Variants in EPB41 observed in about 807,000 individuals in gnomAD.
The protein encoded by EPB41 is erythrocyte membrane protein band 4.1, also known as protein 4.1.
Under a neutral mutation model 108.0 loss-of-function variants are expected in EPB41, and 65 were observed. That is an observed-to-expected ratio of 0.60 (90% CI 0.49 to 0.74). The LOEUF (loss-of-function observed/expected upper bound fraction) is 0.74. EPB41 is among the 30% of genes least tolerant of loss of function. EPB41 has a pLI of 0.00. For synonymous variants in EPB41, 336 were observed against 358.9 expected (o/e 0.94, Z 0.72); for missense variants, 875 against 1,037.0 (o/e 0.84, Z 2.15).
chr1:29,096,143 A>T (rs1425143834), intron 16 of EPB41: 52 of 985,550 alleles, frequency 5.3e-5, no homozygotes, highest in Non-Finnish European at 6.1e-5. Context: ...GTATCTGTTC[A>T]TTCATTTGTA....
At chr1:28,910,968 C>T (rs528216183), upstream of EPB41, 6 of 985,150 alleles carry the variant, frequency 6.1e-6, no homozygotes, top group Non-Finnish European at 6.0e-6. Flanking sequence ...TGGAGCAGAG[C>T]TGTTTCTGCC....
intron 1 of EPB41, among the ~76,000 whole-genome samples, chr1:28,917,751 T>G (rs1229098480): frequency 1.3e-5 from 2 of 151,834 alleles, no homozygotes; most frequent in Non-Finnish European, 2.9e-5. Context: ...CAGCTTTTTT[T>G]TTTCGTTTTT....
chr1:29,025,958 A>G (rs189283058), intron 7 of EPB41, among the ~76,000 whole-genome samples: 2 of 152,192 alleles, frequency 1.3e-5, no homozygotes, highest in African/African-American at 4.8e-5. Flanking sequence ...AAGGGCATCC[A>G]TGTGGGGGAA....
In EPB41 at chr1:28,935,469, C is replaced by CA. The variant is rs1234434094; in HGVS notation, c.-8+20701_-8+20702insA. ...CACACACACACACACACACACACAC[C>CA]CCCCCCCCCCCAAGATCTACGCACT... On this transcript the variant is annotated intron_variant, in intron 1 of 20. Transcript: ENST00000343067. 1.3e-3 allele frequency among the ~76,000 whole-genome samples: 55 copies of CA among 42,248 alleles called. 1 individual carries two copies. Among genetic ancestry groups the CA allele is most frequent in the Admixed American group, 2.2e-3 (9 of 4,056 alleles). The allele number at this position is 42,248 out of a possible 152,430, so 27.7% of individuals were successfully genotyped here.
intron 1 of EPB41, among the ~76,000 whole-genome samples, chr1:28,901,823 C>G (rs933425983): frequency 1.3e-5 from 2 of 152,088 alleles, no homozygotes; most frequent in South Asian, 4.1e-4. Context: ...TGTGAGCCAC[C>G]GCACCCGGCC....
chr1:28,986,306 G>A (rs1469032443), intron 1 of EPB41, among the ~76,000 whole-genome samples: 1 of 152,078 alleles, frequency 6.6e-6, no homozygotes, highest in African/African-American at 2.4e-5. Flanking sequence ...ATCAATAGTC[G>A]ACTTCATTGC....
In EPB41 at chr1:29,018,295, C is replaced by A. The variant is rs2096602403; in HGVS notation, c.977C>A (p.Ala326Glu). 1.9e-6 allele frequency: 3 copies of A among 1,614,154 alleles called. No homozygotes were observed. In the East Asian group the frequency reaches 6.7e-5, roughly 36 times the overall value. The change falls in exon 7 of 21, where the codon GCA becomes GAA. Residue 326 changes from alanine to glutamate, a missense_variant. Ala to Glu is a moderately radical substitution (Grantham distance 107). Coordinates refer to ENST00000343067, the MANE Select transcript of EPB41 (RefSeq NM_001376013.1). This position sits in a 1 kb window ranked among gnomAD's most constrained non-coding sequence, Gnocchi z 4.4. ...CTGCCCTGTTCCTTTGCAACCTTAG[C>A]ATTATTAGGTTCTTACACCATCCAG... ...GRLPCSFATL[A>E]LLGSYTIQSE...
At chr1:29,064,241 G>C (rs1646978287) in intron 15 of EPB41, among the ~76,000 whole-genome samples, 1 of 152,172 alleles carries the variant, frequency 6.6e-6, no homozygotes, top group African/African-American at 2.4e-5. Flanking sequence ...AAGTGAAGCT[G>C]TTAGAAGCTA....
intron 16 of EPB41, chr1:29,071,967 A>G (rs1300439902): frequency 2.0e-5 from 3 of 152,194 alleles, no homozygotes; most frequent in African/African-American, 7.2e-5. Flanking sequence ...GAGCAAAAAA[A>G]GAGAACAGTA....
intron 1 of EPB41, among the ~76,000 whole-genome samples, chr1:28,959,583 G>A (rs1008471179): frequency 3.3e-5 from 5 of 152,246 alleles, no homozygotes; most frequent in African/African-American, 1.2e-4. Flanking sequence ...TTAAATCTTT[G>A]TTTGGAAGAG....
In EPB41 at chr1:29,030,487, G is replaced by T; in HGVS notation, c.1212G>T (p.Lys404Asn). The T allele has an allele frequency of 6.2e-7, 1 of 1,612,002 alleles. No homozygotes were observed. Among genetic ancestry groups the T allele is most frequent in the South Asian group, 1.1e-5 (1 of 91,040 alleles). The part of the protein sequence containing the change: ...SMYGVDLHKA[K>N]DLEGVDIILG... ...ATGGAGTTGATCTTCATAAAGCAAA[G>T]GTAATGATAACTTTGCCCTTTATTA... Residue 404 changes from lysine (K) to asparagine (N), a missense_variant and splice_region_variant, in exon 8 of 21, where the codon AAG becomes AAT. Lys to Asn is a moderately conservative substitution (Grantham distance 94). Coordinates refer to ENST00000343067, the MANE Select transcript of EPB41 (RefSeq NM_001376013.1).
At chr1:29,085,592 T>C (rs1489388934) in intron 16 of EPB41, among the ~76,000 whole-genome samples, 1 of 152,174 alleles carries the variant, frequency 6.6e-6, no homozygotes, top group Non-Finnish European at 1.5e-5. Flanking sequence ...ATCATTGACT[T>C]TGACTTTCTT....
rs1347150651 is a variant in EPB41 at position 29,011,849 on chromosome 1, T to C, written c.787-16T>C. 1 of 1,613,980 alleles carries C rather than the reference T, an allele frequency of 6.2e-7. No individual in the cohort carries two copies. Among genetic ancestry groups the C allele is most frequent in the Non-Finnish European group, 8.5e-7 (1 of 1,179,966 alleles). On this transcript the variant is annotated splice_polypyrimidine_tract_variant and intron_variant, in intron 4 of 20. Coordinates refer to ENST00000343067, the MANE Select transcript of EPB41 (RefSeq NM_001376013.1). ...GTTTTGGAGCTCTGTGTGAATGCCT[T>C]TTCTCCTTTTTACAGACATGGCTGG...
rs941761756 is a variant in EPB41 at position 29,118,364 on chromosome 1, C to G, written c.*1552C>G. 1.3e-5 allele frequency: 2 copies of G among 152,244 alleles called. No homozygotes were observed. Among genetic ancestry groups the G allele is most frequent in the African/African-American group, 4.8e-5 (2 of 41,432 alleles). The allele number at this position is 152,244 out of a possible 1,614,324, so 9.4% of individuals were successfully genotyped here. A position where few individuals can be genotyped will look rare whatever the true frequency, so the allele number is the denominator to read the frequency against. Reference sequence around the variant, plus strand: ...AGGTGATCCACCCACCTTGGCCTCCCAAAGTGCTGGGATTACAGGTGTGAG... The same window carrying G: ...AGGTGATCCACCCACCTTGGCCTCCGAAAGTGCTGGGATTACAGGTGTGAG... On this transcript the variant is annotated 3_prime_UTR_variant, in exon 21 of 21. Coordinates refer to ENST00000343067, the MANE Select transcript of EPB41 (RefSeq NM_001376013.1).
intron 16 of EPB41, chr1:29,070,979 T>A (rs1651077434): frequency 5.8e-6 from 1 of 172,798 alleles, no homozygotes; most frequent in South Asian, 2.0e-4. Flanking sequence ...ACCAGGATAC[T>A]CTCTAGATAC....
rs953981243 is a variant in EPB41, at chr1:28,968,686, G to A, written c.-7-18745G>A. Among the ~76,000 whole-genome samples, 6 of 151,882 alleles carry A rather than the reference G, an allele frequency of 4.0e-5. No individual in the cohort carries two copies. The East Asian group carries it at 5.8e-4, about 15-fold the overall frequency. On this transcript the variant is annotated intron_variant, in intron 1 of 20. Transcript: ENST00000343067. ...TGCAATTATAAAACTAAATGAGGCC[G>A]GGCGCAGTGGCTCACACCTATAATC...
upstream of EPB41, among the ~76,000 whole-genome samples, chr1:28,913,788 A>G (rs1340822223): frequency 6.6e-6 from 1 of 152,176 alleles, no homozygotes; most frequent in African/African-American, 2.4e-5. Context: ...AGGAAGGGTC[A>G]AGGGGTCTCT....
chr1:28,893,386 A>G (rs1379265206), intron 1 of EPB41: 2 of 152,258 alleles, frequency 1.3e-5, no homozygotes, highest in African/African-American at 4.8e-5. Context: ...AGGTTCTTAA[A>G]GTCTCCTCCT....
intron 16 of EPB41, among the ~76,000 whole-genome samples, chr1:29,076,089 T>C (rs1488763698): frequency 1.3e-5 from 2 of 152,258 alleles, no homozygotes; most frequent in African/African-American, 4.8e-5. Context: ...AAGAATTTTC[T>C]ATCTTTTTCC....
Sources: gnomAD v4.1 joint callset for allele counts (sites outside exome capture counted in the v4.1 genomes callset) on GRCh38, gnomAD v4.1.1 for gene constraint, Gnocchi (gnomAD v3.1) non-coding constraint, MANE v1.5 for transcripts, NCBI Gene and HGNC (gene_info 2026-07-23, HGNC 2026-07-21) for gene names.